Variants in OPCML observed in about 807,000 individuals in gnomAD.
OPCML encodes the protein opioid-binding protein/cell adhesion molecule.
A neutral mutation model predicts 37.8 loss-of-function variants in OPCML; 13 were observed. That is an observed-to-expected ratio of 0.34 (90% confidence interval 0.22 to 0.55). The LOEUF (loss-of-function observed/expected upper bound fraction) is 0.55. OPCML is among the 20% of genes least tolerant of loss of function. OPCML has a pLI of 0.91. For missense variants in OPCML, 341 were observed against 435.6 expected (o/e 0.78, Z 1.93); for synonymous variants, 176 against 168.8 (o/e 1.04, Z -0.33).
chr11:132,631,350 TAC>T (rs1940097211), intron 3 of OPCML, among the ~76,000 whole-genome samples: 1 of 84,518 alleles, frequency 1.2e-5, no homozygotes, highest in Non-Finnish European at 2.8e-5. Flanking sequence ...TAACCATATA[TAC>T]ATATATATAT....
intron 2 of OPCML, among the ~76,000 whole-genome samples, chr11:132,807,581 C>T (rs1182350421): frequency 1.3e-5 from 2 of 152,212 alleles, no homozygotes; most frequent in South Asian, 2.1e-4. Context: ...GGCCAAGAAG[C>T]AGCTCTTAAA....
chr11:133,483,346 T>TAGATAGATAGATAATAGATATAG (rs1555165554), intron 1 of OPCML, among the ~76,000 whole-genome samples: 1 of 86,508 alleles, frequency 1.2e-5, no homozygotes, highest in Non-Finnish European at 2.2e-5. Flanking sequence ...AGATAATAGA[T>TAGATAGATAGATAATAGATATAG]ATAGATAGAT....
chr11:133,095,789 G>A (rs1948993142), intron 1 of OPCML, among the ~76,000 whole-genome samples: 1 of 151,434 alleles, frequency 6.6e-6, no homozygotes, highest in Admixed American at 6.6e-5. Context: ...AACCATGTAA[G>A]TACAGAGTAG....
At chr11:132,923,349 G>T (rs927275099) in intron 2 of OPCML, among the ~76,000 whole-genome samples, 2 of 152,104 alleles carry the variant, frequency 1.3e-5, no homozygotes, top group African/African-American at 4.8e-5. Flanking sequence ...CTGGGTACGG[G>T]AATCTGTATT....
chr11:133,426,495 G>T (rs1465407201), intron 1 of OPCML, among the ~76,000 whole-genome samples: 1 of 152,142 alleles, frequency 6.6e-6, no homozygotes, highest in East Asian at 1.9e-4. Flanking sequence ...CGTTGGTAAG[G>T]TTGAAGACGC....
chr11:132,955,710 C>T (rs1945963695), intron 1 of OPCML, among the ~76,000 whole-genome samples: 1 of 151,924 alleles, frequency 6.6e-6, no homozygotes, highest in South Asian at 2.1e-4. Flanking sequence ...GGTGAAACCC[C>T]ACCTCAACTA....
At chr11:133,007,172 T>C (rs1947129950) in intron 1 of OPCML, 1 of 985,454 alleles carries the variant, frequency 1.0e-6, no homozygotes, top group Non-Finnish European at 1.2e-6. Flanking sequence ...GATTGTGGCC[T>C]TGGGGACTCT....
intron 7 of OPCML, among the ~76,000 whole-genome samples, chr11:132,432,639 T>C (rs1272764476): frequency 6.6e-6 from 1 of 152,182 alleles, no homozygotes; most frequent in East Asian, 1.9e-4. Context: ...CCCACATATA[T>C]TCACACATTC....
chr11:132,824,519 C>G (rs756592493), intron 2 of OPCML, among the ~76,000 whole-genome samples: 5 of 152,028 alleles, frequency 3.3e-5, no homozygotes, highest in Non-Finnish European at 7.4e-5. Context: ...AGCAAAACAT[C>G]ACAAAAGAAT....
chr11:133,082,159 G>A (rs1395704182), intron 1 of OPCML, among the ~76,000 whole-genome samples: 3 of 151,628 alleles, frequency 2.0e-5, no homozygotes, highest in African/African-American at 7.3e-5. Flanking sequence ...GGACAAGCCC[G>A]GGCCTGGGCC....
At chr11:132,510,137 A>G (rs533644738) in intron 4 of OPCML, among the ~76,000 whole-genome samples, 1 of 152,268 alleles carries the variant, frequency 6.6e-6, no homozygotes, top group East Asian at 1.9e-4. Context: ...TTTGACCACA[A>G]TGTTGGATTT....
At chr11:133,358,969 G>A (rs1346387620) in intron 1 of OPCML, among the ~76,000 whole-genome samples, 1 of 152,010 alleles carries the variant, frequency 6.6e-6, no homozygotes, top group African/African-American at 2.4e-5. Flanking sequence ...GGGGGACCAG[G>A]GGTGATAGGA....
At chr11:133,248,845 G>A (rs1361654954) in intron 1 of OPCML, among the ~76,000 whole-genome samples, 2 of 152,198 alleles carry the variant, frequency 1.3e-5, no homozygotes, top group African/African-American at 2.4e-5. Flanking sequence ...GTATTTTCAT[G>A]TTCCAGTGTG....
chr11:133,458,721 A>ATATACACATAGATGCACGTGTGTGTG (rs1946777547), intron 1 of OPCML, among the ~76,000 whole-genome samples: 1 of 117,864 alleles, frequency 8.5e-6, no homozygotes, highest in Non-Finnish European at 1.6e-5. Flanking sequence ...ACGTGTGTGT[A>ATATACACATAGATGCACGTGTGTGTG]TATATACACA....
intron 1 of OPCML, chr11:133,004,668 C>A (rs898076941): frequency 2.0e-5 from 20 of 985,456 alleles, no homozygotes; most frequent in Non-Finnish European, 2.4e-5. Context: ...GGCGAGGGAC[C>A]ATGCCCTCGC....
At chr11:133,101,940 T>C (rs1189453438) in intron 1 of OPCML, among the ~76,000 whole-genome samples, 1 of 151,900 alleles carries the variant, frequency 6.6e-6, no homozygotes, top group Non-Finnish European at 1.5e-5. Context: ...TAAATGCATA[T>C]TGCCAAGTGA....
chr11:132,874,613 T>G (rs1391470475), intron 2 of OPCML, among the ~76,000 whole-genome samples: 1 of 152,172 alleles, frequency 6.6e-6, no homozygotes, highest in Non-Finnish European at 1.5e-5. Context: ...CCCTGGGTCT[T>G]TAGAGGAAAC....
intron 2 of OPCML, among the ~76,000 whole-genome samples, chr11:132,765,451 T>C (rs1946404703): frequency 6.6e-6 from 1 of 152,234 alleles, no homozygotes; most frequent in African/African-American, 2.4e-5. Flanking sequence ...TGAGAATCTA[T>C]GGTGGCTCTC....
intron 1 of OPCML, among the ~76,000 whole-genome samples, chr11:133,259,849 T>C (rs750472414): frequency 2.6e-5 from 4 of 152,204 alleles, no homozygotes; most frequent in Non-Finnish European, 4.4e-5. Flanking sequence ...AGATATTTAC[T>C]AAGCACCTTC....
Sources: gnomAD v4.1 joint callset for allele counts (sites outside exome capture counted in the v4.1 genomes callset) on GRCh38, gnomAD v4.1.1 for gene constraint, MANE v1.5 for transcripts, NCBI Gene and HGNC (gene_info 2026-07-23, HGNC 2026-07-21) for gene names.